Variants in DOCK4 observed in about 807,000 individuals in gnomAD.
DOCK4 encodes the protein dedicator of cytokinesis protein 4.
DOCK4 carries 97 observed loss-of-function variants against 268.1 expected under a neutral mutation model. The observed-to-expected ratio is 0.36, with a 90% confidence interval of 0.31 to 0.43. DOCK4 has a LOEUF of 0.43. Ranked by LOEUF, DOCK4 falls within the 20% of genes least tolerant of loss-of-function variation. The probability of loss-of-function intolerance (pLI) is 1.00; values close to 1 mark genes in which losing one functional copy is unlikely to be tolerated. For missense variants in DOCK4, 2,145 were observed against 2,455.7 expected (o/e 0.87, Z 2.67); for synonymous variants, 954 against 887.2 (o/e 1.08, Z -1.34).
intron 37 of DOCK4, 109 bp from the exon 38 acceptor site, chr7:111,767,227 C>CT (rs372483378): frequency 0.038 from 17,508 of 464,570 alleles, 9 homozygotes; most frequent in South Asian, 0.048. Flanking sequence ...ACTCCTTAAT[C>CT]TTTTTTTTTT....
In DOCK4 at chr7:111,780,123, G is replaced by T. The variant is rs183991067; in HGVS notation, c.3586-1754C>A. Among the ~76,000 whole-genome samples, 124 of 152,304 alleles carry T rather than the reference G, an allele frequency of 8.1e-4. 1 individual carries two copies. Among genetic ancestry groups the T allele is most frequent in the Admixed American group, 1.4e-3 (21 of 15,304 alleles). On this transcript the variant is annotated intron_variant, in intron 35 of 52. Coordinates refer to ENST00000428084, the MANE Select transcript of DOCK4 (RefSeq NM_001363540.2). Reference sequence around the variant, plus strand: ...GACCGATCTAGCAAATGTGGCTGTTGAAATGGTACTTGGGCTTGAAGCCTG... The same window carrying T: ...GACCGATCTAGCAAATGTGGCTGTTTAAATGGTACTTGGGCTTGAAGCCTG...
intron 1 of DOCK4, among the ~76,000 whole-genome samples, chr7:112,160,094 C>T (rs368259751): frequency 2.6e-5 from 4 of 152,036 alleles, no homozygotes; most frequent in East Asian, 1.9e-4. Context: ...AAATATGAAA[C>T]GCTTCTGGTC....
intron 49 of DOCK4, among the ~76,000 whole-genome samples, chr7:111,737,381 C>CCAAT (rs966301335): frequency 3.9e-5 from 6 of 152,064 alleles, no homozygotes; most frequent in African/African-American, 1.4e-4. Context: ...CCAACCTTGG[C>CCAAT]CAATCCCAAA....
chr7:112,167,809 C>T (rs2729552), intron 1 of DOCK4, among the ~76,000 whole-genome samples: 57,068 of 151,990 alleles, frequency 0.38, 15,393 homozygotes, highest in African/African-American at 0.77. Flanking sequence ...ATCTCTAAGA[C>T]TTTTTAAGAC....
chr7:111,816,642 T>C (rs1563544221), intron 27 of DOCK4, among the ~76,000 whole-genome samples: 2 of 152,272 alleles, frequency 1.3e-5, no homozygotes, highest in East Asian at 1.9e-4. Context: ...TAGAGAACAA[T>C]GGCATCTGGG....
chr7:111,749,415 T>C (rs1796486612), intron 42 of DOCK4, among the ~76,000 whole-genome samples: 1 of 152,202 alleles, frequency 6.6e-6, no homozygotes, highest in African/African-American at 2.4e-5. Context: ...GAAAAACTTC[T>C]AGACATCTGT....
At chr7:111,903,546 C>T (rs779174097) in intron 13 of DOCK4, among the ~76,000 whole-genome samples, 33 of 152,148 alleles carry the variant, frequency 2.2e-4, no homozygotes, top group Non-Finnish European at 4.1e-4. Context: ...TGGCCCAGTA[C>T]ATTTTATGTT....
intron 1 of DOCK4, among the ~76,000 whole-genome samples, chr7:112,028,254 G>A (rs1802980814): frequency 6.6e-6 from 1 of 152,172 alleles, no homozygotes; most frequent in African/African-American, 2.4e-5. Flanking sequence ...ATGTTAATAT[G>A]TTCAAAATCC....
chr7:112,067,560 T>TC (rs1586755003), intron 1 of DOCK4, among the ~76,000 whole-genome samples: 1 of 151,926 alleles, frequency 6.6e-6, no homozygotes, highest in East Asian at 1.9e-4. Context: ...ACTGGAGGGC[T>TC]AAAAAAGAAA....
intron 35 of DOCK4, among the ~76,000 whole-genome samples, chr7:111,780,874 T>C (rs931841274): frequency 3.9e-5 from 6 of 152,192 alleles, no homozygotes; most frequent in Admixed American, 3.3e-4. Flanking sequence ...TAAGTATTCT[T>C]GTGCTAGTTT....
At chr7:111,981,560 GA>G (rs1319484270) in intron 7 of DOCK4, among the ~76,000 whole-genome samples, 2 of 152,142 alleles carry the variant, frequency 1.3e-5, no homozygotes, top group African/African-American at 4.8e-5. Context: ...AAAAGAAAAA[GA>G]AACTGCCTTA....
At chr7:111,803,601 C>A (rs890650160) in intron 30 of DOCK4, among the ~76,000 whole-genome samples, 3 of 151,998 alleles carry the variant, frequency 2.0e-5, no homozygotes, top group African/African-American at 7.2e-5. Flanking sequence ...AATGTTAGTT[C>A]ATCTAAAAAT....
chr7:112,018,489 TG>T (rs1361918356), intron 1 of DOCK4, among the ~76,000 whole-genome samples: 7 of 152,206 alleles, frequency 4.6e-5, no homozygotes, highest in Non-Finnish European at 2.9e-5. Context: ...CAGGTTCCCC[TG>T]GGAATCATGC....
intron 23 of DOCK4, among the ~76,000 whole-genome samples, chr7:111,860,562 A>T (rs1805422351): frequency 6.6e-6 from 1 of 152,124 alleles, no homozygotes; most frequent in Non-Finnish European, 1.5e-5. Context: ...CATGTGTGGG[A>T]CCTTCCCACA....
rs770170825 is a variant in DOCK4, at chr7:111,760,293, G to T, written c.4050C>A (p.Asp1350Glu). 1 of 1,613,894 alleles carries T rather than the reference G, an allele frequency of 6.2e-7. No homozygotes were observed. Residue 1350 changes from aspartate (D) to glutamate (E), a missense_variant, in exon 40 of 53, where the codon GAC (aspartate) becomes GAA (glutamate). Transcript: ENST00000428084. Reference sequence around the variant, plus strand: ...GTTGGAAGGCTTCCAGCCTCTCGTAGTCATGCCCTCGACACACAAACTCCT... The same window carrying T: ...GTTGGAAGGCTTCCAGCCTCTCGTATTCATGCCCTCGACACACAAACTCCT... ...RNKEFVCRGH[D>E]YERLEAFQQR...
intron 8 of DOCK4, chr7:111,953,529 T>C (rs996848317): frequency 3.3e-5 from 5 of 152,220 alleles, no homozygotes; most frequent in Non-Finnish European, 7.3e-5. Flanking sequence ...GAGACCAGAA[T>C]ACGGCACCCC....
At chr7:111,813,682 A>G (rs1342526202) in intron 27 of DOCK4, among the ~76,000 whole-genome samples, 1 of 152,226 alleles carries the variant, frequency 6.6e-6, no homozygotes, top group Non-Finnish European at 1.5e-5. Flanking sequence ...TAAATGGCAG[A>G]TATCATCAGT....
chr7:111,746,151 T>G (rs1466599030), intron 44 of DOCK4, among the ~76,000 whole-genome samples, 183 bp downstream of exon 44: 1 of 152,178 alleles, frequency 6.6e-6, no homozygotes, highest in African/African-American at 2.4e-5. Context: ...TTAAATTAAT[T>G]TTTGCATCGG....
chr7:111,796,281 GCCCATCTGAAAGT>G (rs1353760054), intron 30 of DOCK4, among the ~76,000 whole-genome samples: 1 of 152,146 alleles, frequency 6.6e-6, no homozygotes, highest in Non-Finnish European at 1.5e-5. Context: ...TCAGACCTGT[GCCCATCTGAAAGT>G]CCCTTTACAT....
Sources: gnomAD v4.1 joint callset for allele counts (sites outside exome capture counted in the v4.1 genomes callset) on GRCh38, gnomAD v4.1.1 for gene constraint, MANE v1.5 for transcripts, NCBI Gene and HGNC (gene_info 2026-07-23, HGNC 2026-07-21) for gene names.